DSCAM: variants seen among roughly 807,000 people sequenced by gnomAD.
The protein encoded by DSCAM is cell adhesion molecule DSCAM.
DSCAM carries 47 observed loss-of-function variants against 217.7 expected under a neutral mutation model. The observed-to-expected ratio is 0.22, with a 90% CI of 0.17 to 0.28. The LOEUF (loss-of-function observed/expected upper bound fraction) is 0.28. Ranked by LOEUF, DSCAM falls within the 10% of genes least tolerant of loss-of-function variation. DSCAM has a pLI of 1.00. For missense variants in DSCAM, 2,080 were observed against 2,618.3 expected (o/e 0.79, Z 4.49); for synonymous variants, 1,056 against 1,015.3 (o/e 1.04, Z -0.76).
chr21:40,025,431 G>A (rs1047095062), intron 32 of DSCAM, among the ~76,000 whole-genome samples: 6 of 145,180 alleles, frequency 4.1e-5, no homozygotes, highest in East Asian at 2.0e-4. Flanking sequence ...GATTGGAATA[G>A]TTTCAGAAGG....
chr21:40,412,476 GGGAACT>G (rs1399906021), intron 3 of DSCAM, among the ~76,000 whole-genome samples: 1 of 152,206 alleles, frequency 6.6e-6, no homozygotes, highest in Non-Finnish European at 1.5e-5. Context: ...GGAACTTGTT[GGGAACT>G]GGAGCAAAGG....
At chr21:40,428,826 G>T (rs917287994) in intron 3 of DSCAM, among the ~76,000 whole-genome samples, 1 of 147,052 alleles carries the variant, frequency 6.8e-6, no homozygotes, top group Non-Finnish European at 1.5e-5. Flanking sequence ...ATCATACAGC[G>T]ACCTAATACA....
At chr21:40,440,767 C>A (rs947391331) in intron 3 of DSCAM, among the ~76,000 whole-genome samples, 1 of 141,508 alleles carries the variant, frequency 7.1e-6, no homozygotes, top group Admixed American at 7.1e-5. Context: ...TGACACTGAG[C>A]AACGTAGCCT....
intron 8 of DSCAM, among the ~76,000 whole-genome samples, chr21:40,313,648 A>C (rs1453612644): frequency 6.6e-6 from 1 of 152,108 alleles, no homozygotes; most frequent in Admixed American, 6.6e-5. Flanking sequence ...GGGAAAAGTG[A>C]TACTCAAAGA....
chr21:40,383,446 C>T (rs2075047930), intron 3 of DSCAM: 1 of 152,166 alleles, frequency 6.6e-6, no homozygotes, highest in Non-Finnish European at 1.5e-5. Flanking sequence ...AAATGATATC[C>T]GGACACATGG....
chr21:40,817,391 C>G (rs1315179293), intron 1 of DSCAM, among the ~76,000 whole-genome samples: 1 of 152,200 alleles, frequency 6.6e-6, no homozygotes, highest in Non-Finnish European at 1.5e-5. Context: ...TGACAATTAT[C>G]TCTAAGCTAA....
chr21:40,624,337 C>CT (rs2089567977), intron 3 of DSCAM, among the ~76,000 whole-genome samples: 1 of 152,180 alleles, frequency 6.6e-6, no homozygotes, highest in Non-Finnish European at 1.5e-5. Context: ...ACAGAAAGAT[C>CT]TTTTTTTAAA....
intron 3 of DSCAM, among the ~76,000 whole-genome samples, chr21:40,401,159 C>G (rs181523983): frequency 6.6e-6 from 1 of 152,224 alleles, no homozygotes; most frequent in African/African-American, 2.4e-5. Flanking sequence ...TCCCTTGTTC[C>G]GCTAAGTAAA....
intron 3 of DSCAM, among the ~76,000 whole-genome samples, chr21:40,579,829 C>A (rs2837713): frequency 0.49 from 73,479 of 151,292 alleles, 18,054 homozygotes; most frequent in Admixed American, 0.56. Flanking sequence ...ACCTTCACCA[C>A]AAAAAAAAGT....
intron 4 of DSCAM, among the ~76,000 whole-genome samples, chr21:40,360,229 T>C (rs779578548): frequency 6.8e-6 from 1 of 146,488 alleles, no homozygotes; most frequent in Non-Finnish European, 1.5e-5. Flanking sequence ...CCTCCCGGGG[T>C]TCACACCATT....
chr21:40,181,558 A>T (rs888068254), intron 14 of DSCAM, among the ~76,000 whole-genome samples: 2 of 152,130 alleles, frequency 1.3e-5, no homozygotes, highest in African/African-American at 4.8e-5. Flanking sequence ...TGGTAACAAG[A>T]AGGGCTGGGA....
At chr21:40,760,787 A>C (rs945885753) in intron 1 of DSCAM, among the ~76,000 whole-genome samples, 6 of 152,154 alleles carry the variant, frequency 3.9e-5, no homozygotes, top group African/African-American at 1.4e-4. Context: ...CAGCTCATGG[A>C]CTGTGCCTGG....
intron 3 of DSCAM, among the ~76,000 whole-genome samples, chr21:40,635,934 T>A (rs991691767): frequency 1.3e-5 from 2 of 152,144 alleles, no homozygotes; most frequent in African/African-American, 2.4e-5. Flanking sequence ...TAAGGCATTT[T>A]AAAAAACTAA....
rs757172064 is a variant in DSCAM, at chr21:40,042,447, C to T, written c.5610G>A (p.Arg1870=). Residue 1870 remains arginine, a synonymous_variant, in exon 32 of 33, where the codon AGG becomes AGA. Transcript: ENST00000400454. ...GAGGTTTGGGGGGAGATGCAGTGAA[C>T]CTGCAGATTCCCGATTCGGAAGGGG... ...SSTPSESGIC[R]FTASPPKPQD... is the part of the protein sequence containing the mutation. 1.9e-6 allele frequency: 3 copies of T among 1,614,042 alleles called. No individual in the cohort carries two copies. The highest frequency in any genetic ancestry group is 1.6e-4 in the Middle Eastern group (1 of 6,084).
chr21:40,227,611 C>A (rs2091345018), intron 11 of DSCAM, among the ~76,000 whole-genome samples: 1 of 152,154 alleles, frequency 6.6e-6, no homozygotes, highest in South Asian at 2.1e-4. Flanking sequence ...GAGTACCACC[C>A]CTTTCCCCCA....
intron 11 of DSCAM, among the ~76,000 whole-genome samples, chr21:40,190,526 G>T (rs1379356316): frequency 6.6e-6 from 1 of 152,082 alleles, no homozygotes; most frequent in Non-Finnish European, 1.5e-5. Flanking sequence ...ATCCACAAAG[G>T]CAAAGAGAGA....
chr21:40,061,340 G>A (rs575778797), intron 28 of DSCAM, among the ~76,000 whole-genome samples: 24 of 152,122 alleles, frequency 1.6e-4, no homozygotes, highest in Admixed American at 7.2e-4. Context: ...AGGCTGAGGC[G>A]GGAGAATTGC....
At chr21:40,450,571 A>G (rs1472135482) in intron 3 of DSCAM, among the ~76,000 whole-genome samples, 1 of 152,232 alleles carries the variant, frequency 6.6e-6, no homozygotes, top group African/African-American at 2.4e-5. Context: ...CATTTGATGA[A>G]TTGCCCATAT....
chr21:40,124,394 CA>C, intron 19 of DSCAM, 66 bp from the exon 20 acceptor site: 3 of 1,593,658 alleles, frequency 1.9e-6, no homozygotes. Flanking sequence ...CCACGCTTCC[CA>C]ACATGACCCC....
Sources: allele counts gnomAD v4.1 joint callset (sites outside exome capture counted in the v4.1 genomes callset), GRCh38; gene constraint gnomAD v4.1.1; transcripts MANE v1.5; gene names NCBI Gene and HGNC (gene_info 2026-07-23, HGNC 2026-07-21).